Variants in GCNT1 observed in about 807,000 individuals in gnomAD.
GCNT1 encodes glucosaminyl (N-acetyl) transferase 1.
Under a neutral mutation model 26.2 loss-of-function variants are expected in GCNT1, and 16 were observed. That is an observed-to-expected ratio of 0.61 (90% confidence interval 0.41 to 0.93). The LOEUF (loss-of-function observed/expected upper bound fraction) is 0.93. Among genes scored for constraint, GCNT1 ranks in the 40% least tolerant of loss-of-function variants. GCNT1 has a pLI of 0.00. For synonymous variants in GCNT1, 183 were observed against 190.8 expected (o/e 0.96, Z 0.34); for missense variants, 477 against 526.7 (o/e 0.91, Z 0.92).
At chr9:76,471,437 C>CT (rs1167034571) in intron 2 of GCNT1, among the ~76,000 whole-genome samples, 4 of 152,144 alleles carry the variant, frequency 2.6e-5, no homozygotes, top group Non-Finnish European at 5.9e-5. Context: ...GAATGTGCTC[C>CT]TGCCTGGGGC....
chr9:76,399,159 T>C, the GCNT1 span: 59 of 1,479,612 alleles, frequency 4.0e-5, no homozygotes, highest in African/African-American at 6.9e-4. Context: ...GATTCTCCTA[T>C]GCGCTATGTG....
intron 1 of GCNT1, among the ~76,000 whole-genome samples, chr9:76,446,766 C>T (rs1192214103): frequency 1.3e-5 from 2 of 152,060 alleles, no homozygotes; most frequent in East Asian, 3.9e-4. Flanking sequence ...ATTTTCCAAA[C>T]GTGTTAAGTG....
At chr9:76,445,500 C>T (rs1823560829) in intron 1 of GCNT1, among the ~76,000 whole-genome samples, 1 of 151,910 alleles carries the variant, frequency 6.6e-6, no homozygotes, top group South Asian at 2.1e-4. Flanking sequence ...CGATTCTTGT[C>T]CCTCAGCCTC....
chr9:76,467,255 G>A (rs910726323), intron 2 of GCNT1, among the ~76,000 whole-genome samples: 21 of 152,148 alleles, frequency 1.4e-4, no homozygotes, highest in Non-Finnish European at 2.9e-5. Flanking sequence ...TGTTAGCCAG[G>A]ATGGTCTCAA....
chr9:76,468,653 G>A (rs1481701775), intron 2 of GCNT1, among the ~76,000 whole-genome samples: 1 of 152,194 alleles, frequency 6.6e-6, no homozygotes, highest in Non-Finnish European at 1.5e-5. Context: ...GAGTGGTTGA[G>A]TTTACAGGTG....
chr9:76,404,961 G>A, the GCNT1 span, among the ~76,000 whole-genome samples: 19 of 151,566 alleles, frequency 1.3e-4, no homozygotes, highest in East Asian at 3.9e-4. Flanking sequence ...GATCACAGGC[G>A]TGTACACCAC....
At chr9:76,464,201 A>G (rs1239298528) in intron 2 of GCNT1, among the ~76,000 whole-genome samples, 2 of 152,106 alleles carry the variant, frequency 1.3e-5, no homozygotes, top group Non-Finnish European at 2.9e-5. Flanking sequence ...ATGTCAGCAT[A>G]GTGGAAACCC....
chr9:76,414,962 A>G (rs1248185605), upstream of GCNT1, among the ~76,000 whole-genome samples: 5 of 152,174 alleles, frequency 3.3e-5, no homozygotes, highest in Admixed American at 6.5e-5. Flanking sequence ...TATTTTACGT[A>G]GCTCCTATTC....
At chr9:76,400,319 A>G in the GCNT1 span, among the ~76,000 whole-genome samples, 1 of 152,078 alleles carries the variant, frequency 6.6e-6, no homozygotes, top group Non-Finnish European at 1.5e-5. Flanking sequence ...CCACACCTAA[A>G]TAGTTACCAA....
chr9:76,453,951 A>C (rs1823711451), intron 1 of GCNT1, among the ~76,000 whole-genome samples: 1 of 152,196 alleles, frequency 6.6e-6, no homozygotes, highest in African/African-American at 2.4e-5. Flanking sequence ...GGATTATTGC[A>C]ATAGAAAAAG....
chr9:76,460,429 G>C (rs1823846661), intron 2 of GCNT1, among the ~76,000 whole-genome samples: 1 of 152,206 alleles, frequency 6.6e-6, no homozygotes, highest in Non-Finnish European at 1.5e-5. Flanking sequence ...TTGTCTCTTC[G>C]TCTGGCATTC....
the GCNT1 span, among the ~76,000 whole-genome samples, chr9:76,413,653 G>GTTTTGTTTTTTTTGTTTTTTTT: frequency 2.5e-5 from 3 of 118,652 alleles, no homozygotes; most frequent in Admixed American, 8.9e-5. Flanking sequence ...GTTTTGTTTT[G>GTTTTGTTTTTTTTGTTTTTTTT]TTTTTTTTTT....
intron 2 of GCNT1, among the ~76,000 whole-genome samples, chr9:76,484,712 CT>C (rs1824519036): frequency 6.6e-6 from 1 of 150,656 alleles, no homozygotes. Flanking sequence ...TATTGTCATG[CT>C]TTTTGTTTGA....
upstream of GCNT1, among the ~76,000 whole-genome samples, chr9:76,440,612 A>G (rs906735418): frequency 8.5e-5 from 13 of 152,202 alleles, no homozygotes; most frequent in African/African-American, 2.9e-4. Flanking sequence ...TGCTAGGACC[A>G]AAACCCAGAG....
chr9:76,406,511 A>G, the GCNT1 span, among the ~76,000 whole-genome samples: 54 of 149,546 alleles, frequency 3.6e-4, no homozygotes, highest in East Asian at 2.5e-3. Context: ...AAAAAAAAAA[A>G]AAAGAAAGAA....
At chr9:76,404,158 A>G in the GCNT1 span, among the ~76,000 whole-genome samples, 1 of 152,228 alleles carries the variant, frequency 6.6e-6, no homozygotes, top group Non-Finnish European at 1.5e-5. Flanking sequence ...CGTGATGGCA[A>G]AAATATAGGT....
chr9:76,465,037 T>C (rs1823962266), intron 2 of GCNT1, among the ~76,000 whole-genome samples: 2 of 152,100 alleles, frequency 1.3e-5, no homozygotes, highest in Non-Finnish European at 2.9e-5. Context: ...GCAGTGGCTA[T>C]TCACAGGAGC....
intron 1 of GCNT1, among the ~76,000 whole-genome samples, chr9:76,426,137 T>A (rs891475654): frequency 6.6e-6 from 1 of 152,174 alleles, no homozygotes; most frequent in African/African-American, 2.4e-5. Flanking sequence ...GAAAGGGCTG[T>A]TATCATCTTT....
chr9:76,444,116 G>A (rs1182168372), intron 1 of GCNT1, among the ~76,000 whole-genome samples: 4 of 152,160 alleles, frequency 2.6e-5, no homozygotes, highest in Non-Finnish European at 5.9e-5. Flanking sequence ...GAGTAAGTCC[G>A]GGAGAAAAGT....
Sources: allele counts gnomAD v4.1 joint callset (sites outside exome capture counted in the v4.1 genomes callset), GRCh38; gene constraint gnomAD v4.1.1; transcripts MANE v1.5; gene names NCBI Gene and HGNC (gene_info 2026-07-23, HGNC 2026-07-21).